The following SLC25A5 variants were observed in gnomAD, a reference collection of about 807,000 sequenced individuals.
SLC25A5 encodes solute carrier family 25 member 5.
SLC25A5 carries 4 observed loss-of-function variants against 16.5 expected under a neutral mutation model. That is an observed-to-expected ratio of 0.24 (90% CI 0.12 to 0.56). The LOEUF (loss-of-function observed/expected upper bound fraction) is 0.56, where lower values mean the gene tolerates loss of function less well. SLC25A5 is among the 20% of genes least tolerant of loss of function. The pLI is 0.93. For missense variants in SLC25A5, 88 were observed against 248.0 expected (o/e 0.35, Z 4.33); for synonymous variants, 60 against 95.2 (o/e 0.63, Z 2.15).
Position 119,469,878 on chromosome X carries a change from G to C in SLC25A5, c.329G>C (p.Trp110Ser). 1 of 1,212,791 alleles carries C rather than the reference G, an allele frequency of 8.2e-7. No individual in the cohort carries two copies. Among genetic ancestry groups the C allele is most frequent in the Non-Finnish European group, 1.1e-6 (1 of 895,663 alleles). ...LGGVDKRTQF[W>S]LYFAGNLASG... ...GGTGTGGACAAGAGAACCCAGTTTT[G>C]GCTCTACTTTGCAGGGAATCTGGCA... Residue 110 changes from tryptophan (W) to serine (S), a missense_variant, in exon 2 of 4, where the codon TGG becomes TCG. By Grantham distance (177) the Trp-to-Ser change is radical. Transcript: ENST00000317881.
At chrX:119,468,793 G>A (rs2052804557) in intron 1 of SLC25A5, 167 bp downstream of exon 1, 3 of 462,412 alleles carry the variant, frequency 6.5e-6, no homozygotes, top group Non-Finnish European at 1.1e-5. Flanking sequence ...AAACTGGTGG[G>A]AGGCGCCTTT....
chrX:119,470,769 C>A, intron 3 of SLC25A5, 132 bp from the exon 4 acceptor site: 1 of 730,624 alleles, frequency 1.4e-6, no homozygotes. Context: ...TCAGTGTTGC[C>A]CATGCTAATG....
chrX:119,470,776 A>G, intron 3 of SLC25A5, 125 bp from the exon 4 acceptor site: 1 of 755,088 alleles, frequency 1.3e-6, no homozygotes, highest in Non-Finnish European at 1.9e-6. Flanking sequence ...TGCCCATGCT[A>G]ATGTGTGAAT....
rs1336875262 is a variant in SLC25A5, at chrX:119,468,717, T to C, written c.111+91T>C. The stretch of plus-strand genomic sequence containing the variant: ...CCGAGGGGTGGCGGGGAGCGAACTC[T>C]AAAGACATGGCCAGGGAAGCGGCTT... On this transcript the variant is annotated intron_variant, in intron 1 of 3. Coordinates refer to ENST00000317881, the MANE Select transcript of SLC25A5 (RefSeq NM_001152.5). 5.3e-6 allele frequency: 4 copies of C among 757,471 alleles called. No individual in the cohort carries two copies. In the African/African-American group the frequency reaches 8.2e-5, roughly 16 times the overall value. The allele number at this position is 757,471 out of a possible 1,213,427, so 62.4% of individuals were successfully genotyped here.
At chrX:119,469,495 T>A (rs2052812709) in intron 1 of SLC25A5, 166 bp from the exon 2 acceptor site, 1 of 542,776 alleles carries the variant, frequency 1.8e-6, no homozygotes, top group Non-Finnish European at 3.0e-6. Flanking sequence ...TCTTCCCCTG[T>A]GACAGCCTCA....
At position 119,468,907 on chromosome X, in the gene SLC25A5, G is replaced by A. The variant is rs745762347; in HGVS notation, c.111+281G>A. Reference sequence around the variant, plus strand: ...GACTCGGATGGAGCAGTTTCTGAGTGACGGCCTCCCCGGGCCTGGGCGTCA... The same window carrying A: ...GACTCGGATGGAGCAGTTTCTGAGTAACGGCCTCCCCGGGCCTGGGCGTCA... On this transcript the variant is annotated intron_variant, in intron 1 of 3. Transcript: ENST00000317881. 559 of 336,963 alleles carry A rather than the reference G, an allele frequency of 1.7e-3. 4 individuals are homozygous for A. The highest frequency in any genetic ancestry group is 0.013 in the African/African-American group (495 of 38,713). 27.8% of individuals were successfully genotyped at this position (336,963 alleles called of 1,213,427 possible). A position where few individuals can be genotyped will look rare whatever the true frequency, so the allele number is the denominator to read the frequency against.
At chrX:119,469,509 G>C in intron 1 of SLC25A5, 152 bp from the exon 2 acceptor site, 1 of 612,111 alleles carries the variant, frequency 1.6e-6, no homozygotes, top group Admixed American at 3.2e-5. Flanking sequence ...AGCCTCAGAG[G>C]GTTGGGAGGG....
At chrX:119,470,784 A>C in intron 3 of SLC25A5, 117 bp from the exon 4 acceptor site, 1 of 814,547 alleles carries the variant, frequency 1.2e-6, no homozygotes, top group Non-Finnish European at 1.8e-6. Flanking sequence ...CTAATGTGTG[A>C]ATGTTGGATT....
chrX:119,471,179 A>G lies in SLC25A5; in HGVS notation c.*121A>G. ...AGTGGCAACTATTTACTGGTTGAAAATGGGAAGCAATAATATTCATCTGAC... is the reference window on the plus strand; with the variant it reads ...AGTGGCAACTATTTACTGGTTGAAAGTGGGAAGCAATAATATTCATCTGAC... On this transcript the variant is annotated 3_prime_UTR_variant, in exon 4 of 4. Transcript: ENST00000317881. 1 of 567,708 alleles carries G rather than the reference A, an allele frequency of 1.8e-6. No individual in the cohort carries two copies. Among genetic ancestry groups the G allele is most frequent in the Middle Eastern group, 6.1e-4 (1 of 1,637 alleles). The allele number at this position is 567,708 out of a possible 1,213,427, so 46.8% of individuals were successfully genotyped here. A position where few individuals can be genotyped will look rare whatever the true frequency, so the allele number is the denominator to read the frequency against.
chrX:119,469,118 T>C (rs955099570), intron 1 of SLC25A5: 1 of 113,644 alleles, frequency 8.8e-6, no homozygotes, highest in African/African-American at 3.2e-5. Flanking sequence ...GTGTGCCTTT[T>C]ACGTCCGCCC....
At chrX:119,468,699 GTGGCGGGGAGCGAACTCTAAAGACA>G (rs1207116670) in intron 1 of SLC25A5, 73 bp downstream of exon 1, 5 of 891,372 alleles carry the variant, frequency 5.6e-6, no homozygotes, top group Admixed American at 2.7e-5. Context: ...CGCCCGAGGG[GTGGCGGGGAGCGAACTCTAAAGACA>G]TGGCCAGGGA....
Position 119,470,483 on chromosome X carries a change from C to A in SLC25A5, c.709C>A (p.Arg237Ser), listed in dbSNP as rs753511392. The A allele has an allele frequency of 1.6e-5, 20 of 1,212,527 alleles. No homozygotes were observed. The highest frequency in any genetic ancestry group is 2.2e-5 in the Non-Finnish European group (20 of 895,517). Residue 237 changes from arginine to serine, a missense_variant, in exon 3 of 4, where the codon CGC becomes AGC. By Grantham distance (110) the Arg-to-Ser change is moderately radical. Transcript: ENST00000317881. ...CTATCCATTTGACACTGTTCGCCGC[C>A]GCATGATGATGCAGTCAGGGCGCAA... is the stretch of plus-strand genomic sequence containing the variant. ...TSYPFDTVRR[R>S]MMMQSGRKGT...
chrX:119,469,281 C>G (rs900180120), intron 1 of SLC25A5: 2 of 122,639 alleles, frequency 1.6e-5, no homozygotes, highest in African/African-American at 6.4e-5. Context: ...GGGGGCGGAG[C>G]GAGACGGAAG....
intron 1 of SLC25A5, 58 bp from the exon 2 acceptor site, chrX:119,469,603 T>A: frequency 1.8e-6 from 2 of 1,103,741 alleles, no homozygotes; most frequent in Non-Finnish European, 2.4e-6. Flanking sequence ...CATAAGCTCT[T>A]CTCTTTCCCT....
chrX:119,468,923 C>T, intron 1 of SLC25A5: 1 of 306,062 alleles, frequency 3.3e-6, no homozygotes. Context: ...CTCCCCGGGC[C>T]TGGGCGTCAA....
chrX:119,471,385 C>A lies in SLC25A5; in HGVS notation c.*327C>A. ...AGTGCTACATTCGAATAAATACTAC[C>A]TTTTTAGTGAATGCTACATTTTTAA... On this transcript the variant is annotated 3_prime_UTR_variant, in exon 4 of 4. Coordinates refer to ENST00000317881, the MANE Select transcript of SLC25A5 (RefSeq NM_001152.5). The A allele has an allele frequency of 7.5e-6, 1 of 133,074 alleles. No individual in the cohort carries two copies. The highest frequency in any genetic ancestry group is 1.4e-5 in the Non-Finnish European group (1 of 70,479). The allele number at this position is 133,074 out of a possible 1,213,427, so 11.0% of individuals were successfully genotyped here.
In SLC25A5 at chrX:119,469,531, T is replaced by C. The variant is rs2052813166; in HGVS notation, c.112-130T>C. ...GAGGGTTGGGAGGGTCCAGCCAGTA[T>C]GATATACGAAGACTAGATTTGAGAG... On this transcript the variant is annotated intron_variant, in intron 1 of 3. Coordinates refer to ENST00000317881, the MANE Select transcript of SLC25A5 (RefSeq NM_001152.5). 3.9e-6 allele frequency: 3 copies of C among 773,829 alleles called. No individual in the cohort carries two copies. The African/African-American group carries it at 6.4e-5, about 16-fold the overall frequency. The allele number at this position is 773,829 out of a possible 1,213,427, so 63.8% of individuals were successfully genotyped here.
Position 119,469,715 on chromosome X carries a change from G to C in SLC25A5, c.166G>C (p.Asp56His). 8.3e-7 allele frequency: 1 copy of C among 1,211,881 alleles called. No homozygotes were observed. The highest frequency in any genetic ancestry group is 1.1e-6 in the Non-Finnish European group (1 of 895,204). ...AGATAAGCAATACAAAGGCATTATAGACTGCGTGGTCCGTATTCCCAAGGA... is the reference window on the plus strand; with the variant it reads ...AGATAAGCAATACAAAGGCATTATACACTGCGTGGTCCGTATTCCCAAGGA... The part of the protein sequence containing the change: ...TADKQYKGII[D>H]CVVRIPKEQG... Residue 56 changes from aspartate to histidine, a missense_variant, in exon 2 of 4, where the codon GAC becomes CAC. Physicochemically the swap from Asp to His is moderately conservative, Grantham distance 81. Coordinates refer to ENST00000317881, the MANE Select transcript of SLC25A5 (RefSeq NM_001152.5).
chrX:119,468,651 A>C, intron 1 of SLC25A5, 25 bp downstream of exon 1: 3 of 1,158,522 alleles, frequency 2.6e-6, no homozygotes, highest in Non-Finnish European at 3.5e-6. Flanking sequence ...CCAGGAGCCC[A>C]ACCAGGAAGT....
Sources: gnomAD v4.1 joint callset for allele counts on GRCh38, gnomAD v4.1.1 for gene constraint, MANE v1.5 for transcripts, NCBI Gene and HGNC (gene_info 2026-07-23, HGNC 2026-07-21) for gene names.